GABRG3: variants seen among roughly 807,000 people sequenced by gnomAD.
The protein encoded by GABRG3 is gamma-aminobutyric acid type A receptor subunit gamma3.
Under a neutral mutation model 48.8 loss-of-function variants are expected in GABRG3, and 25 were observed. That is an observed-to-expected ratio of 0.51 (90% CI 0.37 to 0.72). The LOEUF is 0.72. Among genes scored for constraint, GABRG3 ranks in the 30% least tolerant of loss-of-function variants. The probability of loss-of-function intolerance (pLI) is 0.00; values close to 1 mark genes in which losing one functional copy is unlikely to be tolerated. For missense variants in GABRG3, 394 were observed against 577.9 expected, an observed-to-expected ratio of 0.68 and a Z score of 3.26; for synonymous variants, 227 against 217.6, an observed-to-expected ratio of 1.04 and a Z score of -0.38.
At chr15:27,462,699 A>G (rs535155105) in intron 5 of GABRG3, among the ~76,000 whole-genome samples, 174 of 152,332 alleles carry the variant, frequency 1.1e-3, no homozygotes, top group African/African-American at 4.1e-3. Context: ...TGTGAAATAC[A>G]TGGCATACCA....
At chr15:27,308,049 A>C (rs1566772771) in intron 3 of GABRG3, among the ~76,000 whole-genome samples, 1 of 131,322 alleles carries the variant, frequency 7.6e-6, no homozygotes, top group African/African-American at 2.8e-5. Context: ...AAATGTATAT[A>C]ATATAAACAT....
intron 3 of GABRG3, among the ~76,000 whole-genome samples, chr15:27,102,471 T>C (rs750749000): frequency 6.6e-6 from 1 of 152,208 alleles, no homozygotes. Context: ...ATCATAATAC[T>C]AATATTAAAT....
intron 3 of GABRG3, among the ~76,000 whole-genome samples, chr15:27,132,471 G>GTTTTTTTTTTTTTTTTTTTTT (rs59023766): frequency 2.5e-5 from 1 of 39,594 alleles, no homozygotes; most frequent in African/African-American, 8.8e-5. Context: ...AGTAGTTACA[G>GTTTTTTTTTTTTTTTTTTTTT]TTTTTTTTTT....
chr15:27,518,843 T>A (rs570889753), intron 6 of GABRG3, among the ~76,000 whole-genome samples: 8 of 152,154 alleles, frequency 5.3e-5, no homozygotes, highest in Non-Finnish European at 1.0e-4. Flanking sequence ...ATACTAGTGT[T>A]TTACAAAGTT....
chr15:26,996,847 T>A (rs1392768491), intron 2 of GABRG3, among the ~76,000 whole-genome samples: 1 of 151,816 alleles, frequency 6.6e-6, no homozygotes, highest in Admixed American at 6.6e-5. Flanking sequence ...AGAGACGGGG[T>A]TTCACCGTGT....
At chr15:27,449,423 T>C (rs1156373921) in intron 5 of GABRG3, among the ~76,000 whole-genome samples, 1 of 152,144 alleles carries the variant, frequency 6.6e-6, no homozygotes, top group Non-Finnish European at 1.5e-5. Flanking sequence ...TTCTATAAGG[T>C]TGTAATAATG....
intron 3 of GABRG3, among the ~76,000 whole-genome samples, chr15:27,290,963 ACT>A (rs1466743946): frequency 6.6e-6 from 1 of 152,128 alleles, no homozygotes; most frequent in African/African-American, 2.4e-5. Flanking sequence ...TAAATCTAAA[ACT>A]CTTATAAAAG....
chr15:27,107,184 A>G (rs1405210528), intron 3 of GABRG3, among the ~76,000 whole-genome samples: 1 of 152,038 alleles, frequency 6.6e-6, no homozygotes, highest in Non-Finnish European at 1.5e-5. Context: ...ATATGATGTT[A>G]GGTGTAGGAT....
At chr15:27,248,950 G>A (rs956466028) in intron 3 of GABRG3, among the ~76,000 whole-genome samples, 8 of 152,122 alleles carry the variant, frequency 5.3e-5, no homozygotes, top group South Asian at 2.1e-4. Flanking sequence ...GACTGGCCCC[G>A]GAGGCTGAGG....
intron 3 of GABRG3, among the ~76,000 whole-genome samples, chr15:27,095,463 C>T (rs1031949242): frequency 6.8e-6 from 1 of 147,826 alleles, no homozygotes; most frequent in African/African-American, 2.5e-5. Context: ...GTGTAGGTCT[C>T]GGTCTCCACA....
intron 3 of GABRG3, among the ~76,000 whole-genome samples, chr15:27,079,424 A>G (rs1035212309): frequency 6.6e-6 from 1 of 152,202 alleles, no homozygotes; most frequent in African/African-American, 2.4e-5. Context: ...GTGTTTGCAG[A>G]ACAGATAATC....
intron 2 of GABRG3, among the ~76,000 whole-genome samples, chr15:27,018,452 C>T (rs1311053050): frequency 1.3e-5 from 2 of 152,184 alleles, no homozygotes; most frequent in Admixed American, 6.5e-5. Flanking sequence ...TAGAATGTCA[C>T]TGTTTGCCTC....
chr15:26,982,071 G>C (rs1895065846), intron 2 of GABRG3, among the ~76,000 whole-genome samples: 1 of 152,186 alleles, frequency 6.6e-6, no homozygotes, highest in Non-Finnish European at 1.5e-5. Flanking sequence ...TCTTCAGTGA[G>C]TGATATATCT....
chr15:27,448,444 C>T (rs555598849), intron 5 of GABRG3, among the ~76,000 whole-genome samples: 44 of 152,258 alleles, frequency 2.9e-4, no homozygotes, highest in Admixed American at 7.2e-4. Flanking sequence ...CCACTCATGA[C>T]GTAATTATTC....
intron 3 of GABRG3, among the ~76,000 whole-genome samples, chr15:27,306,258 C>A (rs1257213686): frequency 7.3e-6 from 1 of 137,412 alleles, no homozygotes; most frequent in African/African-American, 2.7e-5. Flanking sequence ...ATAAACATGT[C>A]TATATGTAAA....
chr15:27,314,782 T>C (rs1386078177), intron 3 of GABRG3, among the ~76,000 whole-genome samples: 2 of 152,210 alleles, frequency 1.3e-5, no homozygotes, highest in African/African-American at 4.8e-5. Flanking sequence ...GAACATCTTC[T>C]AAATGAAATA....
In GABRG3 at chr15:27,541,095, G is replaced by T. The variant is rs942395383; in HGVS notation, c.*8214G>T. On this transcript the variant is annotated 3_prime_UTR_variant, in exon 10 of 10. Coordinates refer to ENST00000615808, the MANE Select transcript of GABRG3 (RefSeq NM_033223.5). ...CATGTTCTTTCCAAGAAAAGGAAAA[G>T]AAATCCAGCTTCACTACCTGATCAG... 1 of 152,216 alleles carries T rather than the reference G, an allele frequency of 6.6e-6. No homozygotes were observed. The highest frequency in any genetic ancestry group is 1.5e-5 in the Non-Finnish European group (1 of 68,084). The allele number at this position is 152,216 out of a possible 1,614,324, so 9.4% of individuals were successfully genotyped here. A position where few individuals can be genotyped will look rare whatever the true frequency, so the allele number is the denominator to read the frequency against.
chr15:27,032,246 C>A (rs928638076), intron 3 of GABRG3, among the ~76,000 whole-genome samples: 1 of 152,136 alleles, frequency 6.6e-6, no homozygotes, highest in African/African-American at 2.4e-5. Context: ...TATGTTAGTT[C>A]TCTGGTGCGA....
At chr15:27,266,771 T>C (rs1381954369) in intron 3 of GABRG3, among the ~76,000 whole-genome samples, 1 of 148,384 alleles carries the variant, frequency 6.7e-6, no homozygotes, top group East Asian at 1.9e-4. Context: ...GCTCATGTAT[T>C]TTACATTTTT....
Sources: gnomAD v4.1 joint callset for allele counts (sites outside exome capture counted in the v4.1 genomes callset) on GRCh38, gnomAD v4.1.1 for gene constraint, MANE v1.5 for transcripts, NCBI Gene and HGNC (gene_info 2026-07-23, HGNC 2026-07-21) for gene names.